GRID1: variants seen among roughly 807,000 people sequenced by gnomAD.
The protein encoded by GRID1 is glutamate ionotropic receptor delta type subunit 1.
GRID1 carries 28 observed loss-of-function variants against 98.0 expected under a neutral mutation model. The ratio of observed to expected loss-of-function variants is 0.29; its 90% CI spans 0.21 to 0.39. The LOEUF (loss-of-function observed/expected upper bound fraction) is 0.39. Among genes scored for constraint, GRID1 ranks in the 10% least tolerant of loss-of-function variants. The pLI, the probability that GRID1 is intolerant of heterozygous loss-of-function variation, is 1.00. For synonymous variants in GRID1, 553 were observed against 538.5 expected (o/e 1.03, Z -0.37); for missense variants, 1,111 against 1,340.5 (o/e 0.83, Z 2.67).
intron 6 of GRID1, among the ~76,000 whole-genome samples, chr10:85,857,043 C>G (rs1243233102): frequency 6.6e-6 from 1 of 152,168 alleles, no homozygotes; most frequent in Non-Finnish European, 1.5e-5. Flanking sequence ...CCACTCTGGT[C>G]GCCGGACACG....
rs569232692 is a variant in GRID1, at chr10:86,165,012, T to C, written c.521-25988A>G. ...GAATGTTCAGTGGGGGGTAGGAAAT[T>C]TGGGGAGTCCAACAATGGCAGAAGT... is the stretch of plus-strand genomic sequence containing the variant. On this transcript the variant is annotated intron_variant, in intron 3 of 15. Transcript: ENST00000327946. Among the ~76,000 whole-genome samples, 24 of 152,150 alleles carry C rather than the reference T, an allele frequency of 1.6e-4. 1 individual carries two copies. The highest frequency in any genetic ancestry group is 7.7e-4 in the East Asian group (4 of 5,174).
intron 2 of GRID1, among the ~76,000 whole-genome samples, chr10:86,316,900 GCACAAGAAT>G (rs936347103): frequency 1.1e-4 from 17 of 152,350 alleles, no homozygotes; most frequent in East Asian, 7.7e-4. Flanking sequence ...CCCTGAGTGT[GCACAAGAAT>G]CACAAGAATC....
chr10:86,038,757 G>C (rs552827635), intron 4 of GRID1, among the ~76,000 whole-genome samples: 1 of 152,108 alleles, frequency 6.6e-6, no homozygotes, highest in Non-Finnish European at 1.5e-5. Context: ...TCTCTTTAAC[G>C]TAACTTTGTG....
chr10:85,794,431 A>G (rs112539822), intron 8 of GRID1, among the ~76,000 whole-genome samples: 1 of 152,334 alleles, frequency 6.6e-6, no homozygotes, highest in East Asian at 1.9e-4. Context: ...TCAATAATGA[A>G]TTTTATAAGT....
At chr10:85,960,746 T>C (rs953109404) in intron 4 of GRID1, among the ~76,000 whole-genome samples, 2 of 152,240 alleles carry the variant, frequency 1.3e-5, no homozygotes, top group African/African-American at 4.8e-5. Context: ...GGATTGAGCC[T>C]GGTTTAATCA....
At chr10:85,720,601 C>A (rs921397765) in intron 12 of GRID1, among the ~76,000 whole-genome samples, 1 of 144,290 alleles carries the variant, frequency 6.9e-6, no homozygotes, top group Non-Finnish European at 1.5e-5. Flanking sequence ...AGTATTAAAG[C>A]TATTGGGCAT....
At chr10:85,941,766 G>A (rs1478609861) in intron 4 of GRID1, among the ~76,000 whole-genome samples, 3 of 152,192 alleles carry the variant, frequency 2.0e-5, no homozygotes, top group Admixed American at 6.5e-5. Context: ...GGCATCTTTA[G>A]TTTTTTGTGA....
intron 4 of GRID1, among the ~76,000 whole-genome samples, chr10:86,116,101 T>A (rs937855523): frequency 6.6e-6 from 1 of 152,216 alleles, no homozygotes; most frequent in South Asian, 2.1e-4. Flanking sequence ...GTTCGTACAA[T>A]GATGACATCG....
At chr10:85,850,796 C>T (rs1172109352) in intron 8 of GRID1, among the ~76,000 whole-genome samples, 1 of 152,200 alleles carries the variant, frequency 6.6e-6, no homozygotes, top group Non-Finnish European at 1.5e-5. Flanking sequence ...AACAATTAGG[C>T]TCATATTACC....
At chr10:86,144,889 C>T (rs544781993) in intron 3 of GRID1, among the ~76,000 whole-genome samples, 39 of 152,256 alleles carry the variant, frequency 2.6e-4, no homozygotes, top group African/African-American at 8.4e-4. Flanking sequence ...ACTTCTCCTC[C>T]TAAACATTTC....
chr10:85,854,105 C>T (rs951364380), intron 8 of GRID1, among the ~76,000 whole-genome samples: 4 of 152,168 alleles, frequency 2.6e-5, no homozygotes, highest in Non-Finnish European at 5.9e-5. Context: ...ATCTGGAGGA[C>T]ACTCAGGCTG....
At chr10:85,778,851 C>A (rs1842357081) in intron 8 of GRID1, among the ~76,000 whole-genome samples, 1 of 152,114 alleles carries the variant, frequency 6.6e-6, no homozygotes, top group Admixed American at 6.5e-5. Flanking sequence ...GCTATGCCTC[C>A]CTTCTGCAAA....
At chr10:86,354,427 G>A (rs111829573) in intron 2 of GRID1, among the ~76,000 whole-genome samples, 2 of 152,172 alleles carry the variant, frequency 1.3e-5, no homozygotes, top group Non-Finnish European at 2.9e-5. Context: ...CGGCACCCAC[G>A]CCCTCAATGG....
chr10:86,112,831 C>T (rs1187753550), intron 4 of GRID1, among the ~76,000 whole-genome samples: 1 of 152,208 alleles, frequency 6.6e-6, no homozygotes, highest in Admixed American at 6.5e-5. Flanking sequence ...ATTCTTCTCC[C>T]TGTGAGCCTG....
intron 8 of GRID1, among the ~76,000 whole-genome samples, chr10:85,744,455 A>C (rs1288922756): frequency 6.6e-6 from 1 of 150,970 alleles, no homozygotes; most frequent in African/African-American, 2.5e-5. Context: ...AACCTGAGAA[A>C]AACAAGCAAT....
chr10:86,116,320 A>G (rs186078820), intron 4 of GRID1, among the ~76,000 whole-genome samples: 2 of 152,318 alleles, frequency 1.3e-5, no homozygotes, highest in East Asian at 1.9e-4. Flanking sequence ...TTGAGCCTGG[A>G]GTGTTAAGGC....
intron 6 of GRID1, among the ~76,000 whole-genome samples, chr10:85,863,543 C>T (rs1283053162): frequency 2.6e-5 from 4 of 152,208 alleles, no homozygotes; most frequent in African/African-American, 9.6e-5. Flanking sequence ...AGGGTAGAGG[C>T]AGGCACATTG....
intron 2 of GRID1, among the ~76,000 whole-genome samples, chr10:86,313,075 T>C (rs1175631060): frequency 6.6e-6 from 1 of 152,196 alleles, no homozygotes; most frequent in Non-Finnish European, 1.5e-5. Flanking sequence ...CCAGGTGGGT[T>C]GGACAGAGCC....
intron 2 of GRID1, among the ~76,000 whole-genome samples, chr10:86,274,017 G>C (rs1847228369): frequency 6.6e-6 from 1 of 152,132 alleles, no homozygotes; most frequent in Non-Finnish European, 1.5e-5. Context: ...TAATGCCTAG[G>C]TTTTCTTCTA....
Sources: gnomAD v4.1 joint callset for allele counts (sites outside exome capture counted in the v4.1 genomes callset) on GRCh38, gnomAD v4.1.1 for gene constraint, MANE v1.5 for transcripts, NCBI Gene and HGNC (gene_info 2026-07-23, HGNC 2026-07-21) for gene names.